Variants in ROBO2 observed in about 807,000 individuals in gnomAD.
ROBO2 encodes roundabout guidance receptor 2.
Under a neutral mutation model 160.8 loss-of-function variants are expected in ROBO2, and 53 were observed. The ratio of observed to expected loss-of-function variants is 0.33; its 90% confidence interval spans 0.26 to 0.41. The LOEUF is 0.41. Among genes scored for constraint, ROBO2 ranks in the 10% least tolerant of loss-of-function variants. The pLI, the probability that ROBO2 is intolerant of heterozygous loss-of-function variation, is 1.00. For synonymous variants in ROBO2, 664 were observed against 611.7 expected (o/e 1.09, Z -1.26); for missense variants, 1,577 against 1,722.4 (o/e 0.92, Z 1.49).
chr3:76,872,485 TAGAAAG>T (rs1204189797), intron 2 of ROBO2, among the ~76,000 whole-genome samples: 2 of 152,148 alleles, frequency 1.3e-5, no homozygotes, highest in East Asian at 3.9e-4. Flanking sequence ...CTCTGTATAT[TAGAAAG>T]AGATACATAA....
At chr3:76,492,137 AC>A (rs1471587333) in intron 2 of ROBO2, among the ~76,000 whole-genome samples, 3 of 151,762 alleles carry the variant, frequency 2.0e-5, no homozygotes, top group Admixed American at 6.6e-5. Context: ...AAAAAAAAAC[AC>A]CCCCAAAACT....
At chr3:76,356,810 A>AT (rs144407314) in intron 2 of ROBO2, among the ~76,000 whole-genome samples, 136 of 151,962 alleles carry the variant, frequency 8.9e-4, no homozygotes, top group African/African-American at 3.0e-3. Flanking sequence ...CAGAAAGTAT[A>AT]TTTTTTCAAG....
chr3:77,517,906 G>C (rs1047081125), intron 5 of ROBO2, among the ~76,000 whole-genome samples: 1 of 151,322 alleles, frequency 6.6e-6, no homozygotes, highest in African/African-American at 2.4e-5. Flanking sequence ...GTAGTTCAGT[G>C]CCATCTGTGG....
intron 2 of ROBO2, among the ~76,000 whole-genome samples, chr3:77,012,917 C>A (rs1024890728): frequency 1.3e-5 from 2 of 152,008 alleles, no homozygotes; most frequent in Admixed American, 6.6e-5. Flanking sequence ...TTTTGCGTTC[C>A]CAGATGTGTT....
rs187626578 is a variant in ROBO2, at chr3:76,474,339, A to G, written c.109+536737A>G. Among the ~76,000 whole-genome samples, 4 of 152,286 alleles carry G rather than the reference A, an allele frequency of 2.6e-5. No homozygotes were observed. The East Asian group carries it at 7.7e-4, about 29-fold the overall frequency. The stretch of plus-strand genomic sequence containing the variant: ...GATACATTATTATATACCAGTATTT[A>G]GGTTATAATTTCCATGAGGACATAG... On this transcript the variant is annotated intron_variant, in intron 2 of 26. Coordinates refer to the ROBO2 transcript ENST00000487694.
intron 2 of ROBO2, among the ~76,000 whole-genome samples, chr3:76,917,773 C>G (rs898014516): frequency 6.7e-6 from 1 of 148,764 alleles, no homozygotes; most frequent in Non-Finnish European, 1.5e-5. Context: ...ATCTTAAGCT[C>G]AGAGTTTTAT....
intron 2 of ROBO2, among the ~76,000 whole-genome samples, chr3:76,917,729 A>G (rs1216337070): frequency 1.4e-5 from 2 of 146,272 alleles, no homozygotes; most frequent in Non-Finnish European, 3.0e-5. Context: ...ATGTAAGGGG[A>G]TAATATCTGG....
At chr3:76,237,422 T>A (rs1026417256) in intron 2 of ROBO2, among the ~76,000 whole-genome samples, 8 of 152,170 alleles carry the variant, frequency 5.3e-5, no homozygotes, top group Admixed American at 4.6e-4. Flanking sequence ...AGAAGCTGTA[T>A]CTTAGGATCC....
intron 2 of ROBO2, among the ~76,000 whole-genome samples, chr3:77,149,130 G>C (rs938484745): frequency 2.0e-5 from 3 of 151,390 alleles, no homozygotes; most frequent in Non-Finnish European, 4.4e-5. Context: ...CTGCCCCCTG[G>C]GTTCAAGCGA....
At chr3:75,934,394 A>G (rs1192423173) in intron 1 of ROBO2, among the ~76,000 whole-genome samples, 1 of 152,218 alleles carries the variant, frequency 6.6e-6, no homozygotes, top group East Asian at 1.9e-4. Flanking sequence ...TTCCAAAAGA[A>G]GATTAGAGAA....
At chr3:77,404,791 A>C (rs1342648189) in intron 2 of ROBO2, among the ~76,000 whole-genome samples, 2 of 152,218 alleles carry the variant, frequency 1.3e-5, no homozygotes, top group African/African-American at 4.8e-5. Context: ...CAAAAGAATA[A>C]AATGAAAGTA....
intron 2 of ROBO2, among the ~76,000 whole-genome samples, chr3:76,427,966 G>C (rs1258352101): frequency 6.6e-6 from 1 of 152,030 alleles, no homozygotes; most frequent in Non-Finnish European, 1.5e-5. Context: ...AGAATTTACA[G>C]GTTTAAAAAA....
intron 2 of ROBO2, among the ~76,000 whole-genome samples, chr3:76,024,084 G>A (rs1430820522): frequency 1.3e-5 from 2 of 151,144 alleles, no homozygotes; most frequent in Non-Finnish European, 3.0e-5. Context: ...TATTCAGAAT[G>A]TTTTCTTTAA....
At position 76,800,377 on chromosome 3, in the gene ROBO2, C is replaced by T. The variant is rs113601596; in HGVS notation, c.110-297637C>T. ...AGGCAAAAATGGCTGAATGGGATCA[C>T]ATCAAGTTAAATATCTTCTGCACAA... On this transcript the variant is annotated intron_variant, in intron 2 of 26. Transcript: ENST00000487694. Among the ~76,000 whole-genome samples, 496 of 152,204 alleles carry T rather than the reference C, an allele frequency of 3.3e-3. 3 individuals carry two copies. Among genetic ancestry groups the T allele is most frequent in the African/African-American group, 0.011 (473 of 41,518 alleles).
chr3:76,386,867 C>A (rs2076917423), intron 2 of ROBO2, among the ~76,000 whole-genome samples: 1 of 152,008 alleles, frequency 6.6e-6, no homozygotes, highest in African/African-American at 2.4e-5. Flanking sequence ...TGCACTCAAG[C>A]ATGATAGGGT....
intron 2 of ROBO2, among the ~76,000 whole-genome samples, chr3:77,362,098 T>A (rs1429703370): frequency 6.6e-6 from 1 of 152,024 alleles, no homozygotes; most frequent in Admixed American, 6.6e-5. Context: ...GGGGAATGTG[T>A]TGGAAAGGGA....
At chr3:76,003,462 T>G (rs775435556) in intron 2 of ROBO2, among the ~76,000 whole-genome samples, 2 of 152,204 alleles carry the variant, frequency 1.3e-5, no homozygotes, top group Admixed American at 1.3e-4. Context: ...CCTATGTTCT[T>G]TTTTTGAGAA....
At chr3:76,400,245 A>G (rs1385887152) in intron 2 of ROBO2, among the ~76,000 whole-genome samples, 2 of 151,638 alleles carry the variant, frequency 1.3e-5, no homozygotes, top group African/African-American at 4.8e-5. Flanking sequence ...TGAATTGGAG[A>G]AATCAGACTA....
At chr3:77,246,304 C>T (rs929800978) in intron 2 of ROBO2, among the ~76,000 whole-genome samples, 4 of 147,088 alleles carry the variant, frequency 2.7e-5, no homozygotes, top group East Asian at 2.0e-4. Flanking sequence ...AATTTGGTTA[C>T]AAACTACTGA....
Sources: allele counts gnomAD v4.1 joint callset (sites outside exome capture counted in the v4.1 genomes callset), GRCh38; gene constraint gnomAD v4.1.1; transcripts MANE v1.5; gene names NCBI Gene and HGNC (gene_info 2026-07-23, HGNC 2026-07-21).